Variants in FBXO25 observed in about 807,000 individuals in gnomAD.
FBXO25 encodes the protein F-box protein 25.
FBXO25 carries 45 observed loss-of-function variants against 51.9 expected under a neutral mutation model. The ratio of observed to expected loss-of-function variants is 0.87; its 90% CI spans 0.68 to 1.11. FBXO25 has a LOEUF of 1.11. FBXO25 is among the 50% of genes most tolerant of loss of function. The probability of loss-of-function intolerance (pLI) is 0.00; values close to 1 mark genes in which losing one functional copy is unlikely to be tolerated. For missense variants in FBXO25, 507 were observed against 428.5 expected (o/e 1.18, Z -1.62); for synonymous variants, 199 against 151.0 (o/e 1.32, Z -2.33).
rs1171617237 is a variant in FBXO25, at chr8:472,851, G to C, written c.*4047G>C. 6.6e-6 allele frequency: 1 copy of C among 152,198 alleles called. No homozygotes were observed. Among genetic ancestry groups the C allele is most frequent in the Admixed American group, 6.5e-5 (1 of 15,278 alleles). The allele number at this position is 152,198 out of a possible 1,614,324, so 9.4% of individuals were successfully genotyped here. On this transcript the variant is annotated 3_prime_UTR_variant, in exon 10 of 10. Transcript: ENST00000350302. ...AAAAGGAAGGGGTGCTGCCCTCTGA[G>C]AAAAGTCAGAAGCAAGCCTGCCTTA...
intron 1 of FBXO25, among the ~76,000 whole-genome samples, chr8:407,713 C>G (rs1796247486): frequency 6.6e-6 from 1 of 152,148 alleles, no homozygotes; most frequent in African/African-American, 2.4e-5. Flanking sequence ...TTCCTCCAGG[C>G]CACTCTGCCC....
chr8:464,633 C>T (rs991265732), intron 9 of FBXO25, among the ~76,000 whole-genome samples: 4 of 152,118 alleles, frequency 2.6e-5, no homozygotes, highest in Non-Finnish European at 4.4e-5. Context: ...TCTAGGTTGT[C>T]GGAAAGAGAC....
chr8:407,257 T>G (rs1285211847), intron 1 of FBXO25, 191 bp downstream of exon 1: 94 of 521,570 alleles, frequency 1.8e-4, no homozygotes, highest in Non-Finnish European at 1.9e-4. Context: ...ACGGGGCCTG[T>G]GGGAGGGTCA....
chr8:448,827 C>T (rs150986031), intron 5 of FBXO25, among the ~76,000 whole-genome samples: 3 of 152,278 alleles, frequency 2.0e-5, no homozygotes, highest in African/African-American at 4.8e-5. Context: ...AGTTTTATCA[C>T]AATGTGGAAC....
chr8:420,934 G>C (rs1238487681), intron 2 of FBXO25, among the ~76,000 whole-genome samples: 3 of 152,204 alleles, frequency 2.0e-5, no homozygotes, highest in Non-Finnish European at 4.4e-5. Context: ...GTGTTATTGG[G>C]GGGAGTGCCC....
At position 458,503 on chromosome 8, in the gene FBXO25, C is replaced by G. The variant is rs2116790203; in HGVS notation, c.795C>G (p.Asp265Glu). Reference protein sequence around the residue: ...VTPTLYMLSEDRQLWKKLCQY... With the variant: ...VTPTLYMLSEERQLWKKLCQY... ...CCACGTTGTATATGCTTAGTGAAGA[C>G]AGACAGCTGTGGAAGAAGCTTTGTC... is the stretch of plus-strand genomic sequence containing the variant. Residue 265 changes from aspartate (D) to glutamate (E), a missense_variant, in exon 8 of 10, where the codon GAC (aspartate) becomes GAG (glutamate). Transcript: ENST00000350302. The G allele has an allele frequency of 6.2e-7, 1 of 1,614,132 alleles. No individual in the cohort carries two copies.
At chr8:468,650 A>G in intron 9 of FBXO25, 65 bp from the exon 10 acceptor site, 2 of 1,292,744 alleles carry the variant, frequency 1.5e-6, no homozygotes, top group East Asian at 2.3e-5. Context: ...CGACCCCTCA[A>G]GCACCATCAC....
chr8:464,873 C>G (rs1800051332), intron 9 of FBXO25, among the ~76,000 whole-genome samples: 1 of 152,100 alleles, frequency 6.6e-6, no homozygotes, highest in Admixed American at 6.5e-5. Flanking sequence ...TAAAAAGATG[C>G]AAGTTGTGTT....
Position 474,757 on chromosome 8 carries a change from A to T in FBXO25, c.*5953A>T. 1 of 456,710 alleles carries T rather than the reference A, an allele frequency of 2.2e-6. No individual in the cohort carries two copies. The highest frequency in any genetic ancestry group is 1.5e-5 in the South Asian group (1 of 64,558). 28.3% of individuals were successfully genotyped at this position (456,710 alleles called of 1,614,324 possible). ...TTCTGGGTATTCACCCTTTTCAGAT[A>T]TATCATTTTAAAATACTTTGTCCCA... On this transcript the variant is annotated 3_prime_UTR_variant, in exon 10 of 10. Coordinates refer to ENST00000350302, the MANE Select transcript of FBXO25 (RefSeq NM_183420.2).
rs1234561887 is a variant in FBXO25 at position 469,025 on chromosome 8, C to G, written c.*221C>G. 1.7e-5 allele frequency: 9 copies of G among 514,830 alleles called. No individual in the cohort carries two copies. The East Asian group carries it at 3.0e-4, about 17-fold the overall frequency. 31.9% of individuals were successfully genotyped at this position (514,830 alleles called of 1,614,324 possible). On this transcript the variant is annotated 3_prime_UTR_variant, in exon 10 of 10. Transcript: ENST00000350302. ...ATTTCTACTTCTTTAAAAACTCCTT[C>G]TAAGCATATTAAAATGTGAAATTTT...
intron 9 of FBXO25, among the ~76,000 whole-genome samples, chr8:464,091 C>T (rs940425586): frequency 6.6e-6 from 1 of 152,188 alleles, no homozygotes; most frequent in Non-Finnish European, 1.5e-5. Context: ...ACCTCAGCCT[C>T]CTGAGTAGCT....
In FBXO25 at chr8:472,571, A is replaced by C. The variant is rs1035410628; in HGVS notation, c.*3767A>C. On this transcript the variant is annotated 3_prime_UTR_variant, in exon 10 of 10. Transcript: ENST00000350302. ...TGGGTTTTGGTGTCCATCTCATAGG[A>C]TAAGCTTAGAAAGTGTTCCCTCTTC... The C allele has an allele frequency of 2.2e-5, 3 of 138,412 alleles. No individual in the cohort carries two copies. The highest frequency in any genetic ancestry group is 5.5e-5 in the African/African-American group (2 of 36,628). 8.6% of individuals were successfully genotyped at this position (138,412 alleles called of 1,614,324 possible).
rs1184860079 is a variant in FBXO25 at position 474,676 on chromosome 8, G to A, written c.*5872G>A. The A allele has an allele frequency of 6.7e-6, 3 of 449,132 alleles. No individual in the cohort carries two copies. In the East Asian group the frequency reaches 2.1e-4, roughly 31 times the overall value. The allele number at this position is 449,132 out of a possible 1,614,324, so 27.8% of individuals were successfully genotyped here. ...TGGCCGTTTATATGTCGTCTTTGGA[G>A]AAATGTCTATTTGGGCTCTTTGTCC... On this transcript the variant is annotated 3_prime_UTR_variant, in exon 10 of 10. Transcript: ENST00000350302.
intron 5 of FBXO25, among the ~76,000 whole-genome samples, chr8:438,405 A>G (rs1443374256): frequency 6.6e-6 from 1 of 152,162 alleles, no homozygotes; most frequent in Non-Finnish European, 1.5e-5. Flanking sequence ...TTTCCATCTA[A>G]ACAGCAATTT....
At chr8:462,402 TG>T (rs1399807763) in intron 8 of FBXO25, among the ~76,000 whole-genome samples, 1 of 150,110 alleles carries the variant, frequency 6.7e-6, no homozygotes, top group African/African-American at 2.4e-5. Flanking sequence ...ACATATGATG[TG>T]TGTAGCTTAT....
intron 9 of FBXO25, among the ~76,000 whole-genome samples, chr8:464,224 G>C (rs972827528): frequency 6.6e-6 from 1 of 152,192 alleles, no homozygotes; most frequent in Admixed American, 6.5e-5. Flanking sequence ...CCAAAGTGCT[G>C]GGATTACAGG....
At chr8:453,929 G>C (rs551004995) in intron 7 of FBXO25, among the ~76,000 whole-genome samples, 1 of 152,078 alleles carries the variant, frequency 6.6e-6, no homozygotes, top group Non-Finnish European at 1.5e-5. Flanking sequence ...TTCGAGACCA[G>C]CCTGGCCAGC....
intron 2 of FBXO25, among the ~76,000 whole-genome samples, chr8:424,361 C>A (rs1309408886): frequency 6.6e-6 from 1 of 152,118 alleles, no homozygotes; most frequent in Admixed American, 6.6e-5. Context: ...GAAGCTCTTT[C>A]ATTTAATTAA....
intron 2 of FBXO25, among the ~76,000 whole-genome samples, chr8:422,147 A>C (rs73669376): frequency 6.6e-6 from 1 of 152,214 alleles, no homozygotes. Flanking sequence ...AATATCTGCC[A>C]AGTCTCCCCC....
Sources: gnomAD v4.1 joint callset for allele counts (sites outside exome capture counted in the v4.1 genomes callset) on GRCh38, gnomAD v4.1.1 for gene constraint, MANE v1.5 for transcripts, NCBI Gene and HGNC (gene_info 2026-07-23, HGNC 2026-07-21) for gene names.